CCDC93: variants seen among roughly 807,000 people sequenced by gnomAD.
The protein encoded by CCDC93 is coiled-coil domain-containing protein 93.
A neutral mutation model predicts 108.2 loss-of-function variants in CCDC93; 61 were observed. The ratio of observed to expected loss-of-function variants is 0.56; its 90% CI spans 0.46 to 0.70. The LOEUF is 0.70. Among genes scored for constraint, CCDC93 ranks in the 30% least tolerant of loss-of-function variants. The pLI, the probability that CCDC93 is intolerant of heterozygous loss-of-function variation, is 0.00. For synonymous variants in CCDC93, 276 were observed against 260.4 expected (o/e 1.06, Z -0.58); for missense variants, 685 against 764.2 (o/e 0.90, Z 1.22).
chr2:118,010,455 A>G (rs1476493626), intron 1 of CCDC93, among the ~76,000 whole-genome samples: 3 of 152,184 alleles, frequency 2.0e-5, no homozygotes, highest in African/African-American at 7.2e-5. Flanking sequence ...CCTGGTTCAC[A>G]TGCTCATAAT....
rs1448949999 is a variant in CCDC93 at position 117,915,940 on chromosome 2, T to G, written c.*4403A>C. The G allele has an allele frequency of 1.3e-5, 2 of 152,254 alleles. No homozygotes were observed. Among genetic ancestry groups the G allele is most frequent in the East Asian group, 3.9e-4 (2 of 5,194 alleles). The allele number at this position is 152,254 out of a possible 1,614,324, so 9.4% of individuals were successfully genotyped here. A position where few individuals can be genotyped will look rare whatever the true frequency, so the allele number is the denominator to read the frequency against. ...CTACAAACTATTCCATTGTTTAAGCTGGCCATAATGTATTTAACCATTCCC... is the reference window on the plus strand; with the variant it reads ...CTACAAACTATTCCATTGTTTAAGCGGGCCATAATGTATTTAACCATTCCC... On this transcript the variant is annotated 3_prime_UTR_variant, in exon 24 of 24. Transcript: ENST00000376300.
At chr2:118,006,647 A>G in intron 3 of CCDC93, 75 bp downstream of exon 3, 1 of 828,264 alleles carries the variant, frequency 1.2e-6, no homozygotes, top group South Asian at 1.4e-5. Flanking sequence ...TGTCCAACCA[A>G]CTTCTGGCAC....
Position 117,949,050 on chromosome 2 carries a change from A to G in CCDC93, c.1142+272T>C, listed in dbSNP as rs369207476. 6.6e-5 allele frequency among the ~76,000 whole-genome samples: 10 copies of G among 152,346 alleles called. No individual in the cohort carries two copies. The East Asian group carries it at 1.9e-3, about 29-fold the overall frequency. On this transcript the variant is annotated intron_variant, in intron 14 of 23. Transcript: ENST00000376300. ...ATGCCCTTTTCTGTACTATGAAGGTATGACCATTTTGAAAAATAGAAAAAC... is the reference window on the plus strand; with the variant it reads ...ATGCCCTTTTCTGTACTATGAAGGTGTGACCATTTTGAAAAATAGAAAAAC...
intron 20 of CCDC93, 91 bp downstream of exon 20, chr2:117,938,938 A>G: frequency 2.9e-6 from 2 of 695,094 alleles, no homozygotes; most frequent in African/African-American, 1.8e-5. Flanking sequence ...AATGCTGAAC[A>G]TACCTGTCCC....
intron 13 of CCDC93, chr2:117,949,631 A>T: frequency 2.4e-6 from 1 of 421,348 alleles, no homozygotes; most frequent in Non-Finnish European, 3.2e-6. Context: ...TGAAGAAAAC[A>T]CCGTTTCTCC....
chr2:118,007,849 G>A (rs777900376), intron 2 of CCDC93, among the ~76,000 whole-genome samples: 7 of 152,156 alleles, frequency 4.6e-5, no homozygotes, highest in Admixed American at 6.5e-5. Context: ...ATTCTGTTAG[G>A]CACAGCCAGG....
chr2:117,919,882 G>A lies in CCDC93; in HGVS notation c.*461C>T, dbSNP rs13391379. The stretch of plus-strand genomic sequence containing the variant: ...ATAGCCCAGTTCTGCGGTCAAGTGT[G>A]CTGTATCTGCCTCCCTGGGCCACCT... On this transcript the variant is annotated 3_prime_UTR_variant, in exon 24 of 24. Coordinates refer to ENST00000376300, the MANE Select transcript of CCDC93 (RefSeq NM_019044.5). 214 of 153,478 alleles carry A rather than the reference G, an allele frequency of 1.4e-3. 1 individual carries two copies. The highest frequency in any genetic ancestry group is 5.0e-3 in the African/African-American group (207 of 41,562). 9.5% of individuals were successfully genotyped at this position (153,478 alleles called of 1,614,324 possible). A position where few individuals can be genotyped will look rare whatever the true frequency, so the allele number is the denominator to read the frequency against.
At position 117,944,029 on chromosome 2, in the gene CCDC93, G is replaced by A. The variant is rs761593977; in HGVS notation, c.1408C>T (p.Leu470=). 6.2e-7 allele frequency: 1 copy of A among 1,602,872 alleles called. No individual in the cohort carries two copies. The highest frequency in any genetic ancestry group is 1.1e-5 in the South Asian group (1 of 88,136). Residue 470 remains leucine, a synonymous_variant, in exon 18 of 24, where the codon CTA becomes TTA. Coordinates refer to ENST00000376300, the MANE Select transcript of CCDC93 (RefSeq NM_019044.5). Reference sequence around the variant, plus strand: ...TTTGTCCTTCTTTTACTCACCTGTAGTAAACGTATCTTGTAAAGTTTCTCT... The same window carrying A: ...TTTGTCCTTCTTTTACTCACCTGTAATAAACGTATCTTGTAAAGTTTCTCT... The part of the protein sequence containing the change: ...EKEKLYKIRL[L]QARRNREIAI...
intron 13 of CCDC93, chr2:117,951,833 T>C (rs760916562): frequency 7.5e-6 from 2 of 265,386 alleles, no homozygotes; most frequent in South Asian, 2.9e-4. Context: ...ACTTGCAACC[T>C]GGACTACAGA....
intron 3 of CCDC93, among the ~76,000 whole-genome samples, chr2:118,004,211 A>G (rs1393963186): frequency 6.6e-6 from 1 of 152,264 alleles, no homozygotes; most frequent in Non-Finnish European, 1.5e-5. Flanking sequence ...TAGTGAAGGT[A>G]AAATAATAAA....
At chr2:117,975,357 C>T (rs1679909441) in intron 8 of CCDC93, 77 bp from the exon 9 acceptor site, 5 of 1,066,836 alleles carry the variant, frequency 4.7e-6, no homozygotes, top group Non-Finnish European at 5.7e-6. Context: ...TGACAAGAGG[C>T]ATGAGTCTGT....
rs185188942 is a variant in CCDC93 at position 118,009,538 on chromosome 2, G to A, written c.43-880C>T. ...ATACAAAAAATTAGCTGAGCATGGT[G>A]GTGCACACCTGTAACTCCAGCTACT... On this transcript the variant is annotated intron_variant, in intron 1 of 23. Transcript: ENST00000376300. Among the ~76,000 whole-genome samples the A allele has an allele frequency of 1.7e-4, 26 of 152,276 alleles. 1 individual carries two copies. Among genetic ancestry groups the A allele is most frequent in the African/African-American group, 6.3e-4 (26 of 41,538 alleles).
Position 117,982,277 on chromosome 2 carries a change from C to T in CCDC93, c.620+3692G>A, listed in dbSNP as rs150140007. ...ATATGGCACATAAAATGCATTTCCC[C>T]AGAGTAGCAGTTTCATAGCACGGTT... On this transcript the variant is annotated intron_variant, in intron 7 of 23. Coordinates refer to ENST00000376300, the MANE Select transcript of CCDC93 (RefSeq NM_019044.5). 1.6e-3 allele frequency among the ~76,000 whole-genome samples: 250 copies of T among 152,150 alleles called. 1 individual carries two copies. Among genetic ancestry groups the T allele is most frequent in the South Asian group, 3.5e-3 (17 of 4,810 alleles).
intron 11 of CCDC93, among the ~76,000 whole-genome samples, chr2:117,962,638 G>A (rs886263757): frequency 2.0e-5 from 3 of 152,136 alleles, no homozygotes; most frequent in Non-Finnish European, 4.4e-5. Context: ...GTGGGACTCT[G>A]CCTCAAATAA....
intron 23 of CCDC93, among the ~76,000 whole-genome samples, chr2:117,927,218 G>A (rs1428580625): frequency 2.0e-5 from 3 of 152,098 alleles, no homozygotes; most frequent in Admixed American, 6.5e-5. Flanking sequence ...ACAAGACAGG[G>A]ATTCCCTCTC....
At chr2:118,013,637 G>C (rs61137442) in intron 1 of CCDC93, among the ~76,000 whole-genome samples, 78 of 152,342 alleles carry the variant, frequency 5.1e-4, no homozygotes, top group African/African-American at 1.7e-3. Context: ...TCCCGGACAG[G>C]GAGAAAGGTG....
At chr2:117,939,245 G>A (rs534962188) in intron 19 of CCDC93, 134 bp from the exon 20 acceptor site, 68 of 581,200 alleles carry the variant, frequency 1.2e-4, no homozygotes, top group South Asian at 6.5e-4. Context: ...ACCCCACAGC[G>A]TGCAAACTGA....
intron 18 of CCDC93, 25 bp downstream of exon 18, chr2:117,943,999 A>T: frequency 6.6e-7 from 1 of 1,523,814 alleles, no homozygotes; most frequent in Non-Finnish European, 9.0e-7. Flanking sequence ...GCATTTATGC[A>T]TATTTTTGTC....
intron 23 of CCDC93, among the ~76,000 whole-genome samples, chr2:117,929,211 GTAAC>G (rs1237247849): frequency 2.0e-5 from 3 of 152,304 alleles, no homozygotes; most frequent in Non-Finnish European, 2.9e-5. Flanking sequence ...GTACATATAT[GTAAC>G]TAACCTGCAC....
Sources: allele counts gnomAD v4.1 joint callset (sites outside exome capture counted in the v4.1 genomes callset), GRCh38; gene constraint gnomAD v4.1.1; transcripts MANE v1.5; gene names NCBI Gene and HGNC (gene_info 2026-07-23, HGNC 2026-07-21).